Variants in CACNA2D4 observed in about 807,000 individuals in gnomAD.
The protein encoded by CACNA2D4 is calcium voltage-gated channel auxiliary subunit alpha2delta 4.
A neutral mutation model predicts 163.8 loss-of-function variants in CACNA2D4; 157 were observed. That is an observed-to-expected ratio of 0.96 (90% confidence interval 0.84 to 1.09). The LOEUF (loss-of-function observed/expected upper bound fraction) is 1.09, where lower values mean the gene tolerates loss of function less well. Ranked by LOEUF, CACNA2D4 falls within the 50% of genes least tolerant of loss-of-function variation. The pLI is 0.00. For synonymous variants in CACNA2D4, 598 were observed against 586.9 expected (o/e 1.02, Z -0.27); for missense variants, 1,410 against 1,479.9 (o/e 0.95, Z 0.78).
At chr12:1,871,395 GC>G (rs1865776101) in intron 18 of CACNA2D4, among the ~76,000 whole-genome samples, 1 of 143,506 alleles carries the variant, frequency 7.0e-6, no homozygotes, top group African/African-American at 2.6e-5. Flanking sequence ...GTGTACACGT[GC>G]TGCTGGTGTG....
At chr12:1,837,525 C>A (rs1414903403) in intron 26 of CACNA2D4, among the ~76,000 whole-genome samples, 4 of 152,084 alleles carry the variant, frequency 2.6e-5, no homozygotes, top group Non-Finnish European at 4.4e-5. Context: ...CAACGCCCGG[C>A]CCGAGAACCC....
chr12:1,838,593 T>A (rs1436192681), intron 26 of CACNA2D4, among the ~76,000 whole-genome samples: 1 of 151,966 alleles, frequency 6.6e-6, no homozygotes, highest in Non-Finnish European at 1.5e-5. Context: ...CACCCCAGAG[T>A]GTAAGAGCGA....
At chr12:1,827,785 C>T (rs371193010) in intron 26 of CACNA2D4, 105 of 251,656 alleles carry the variant, frequency 4.2e-4, no homozygotes, top group South Asian at 6.8e-4. Context: ...TCAACATACT[C>T]GGGAGGCAAC....
rs1863193908 is a variant in CACNA2D4, at chr12:1,798,193, C to T, written c.2996-658G>A. Among the ~76,000 whole-genome samples the T allele has an allele frequency of 6.6e-6, 1 of 152,164 alleles. No individual in the cohort carries two copies. The highest frequency in any genetic ancestry group is 2.1e-4 in the South Asian group (1 of 4,836). ...ACTCAACCAAAGGTGGAGGCGAGTG[C>T]CTCAGCCCCGCTCTGCAGGACCCGA... On this transcript the variant is annotated intron_variant, in intron 34 of 37. Transcript: ENST00000382722. The surrounding 1 kb of genome is among the most constrained non-coding windows in gnomAD (Gnocchi z 4.3).
intron 26 of CACNA2D4, among the ~76,000 whole-genome samples, chr12:1,837,542 C>G (rs1393983911): frequency 6.6e-6 from 1 of 152,106 alleles, no homozygotes; most frequent in African/African-American, 2.4e-5. Flanking sequence ...ACCCCCTCCT[C>G]AGCTATATGG....
rs145662837 is a variant in CACNA2D4 at position 1,831,277 on chromosome 12, G to A, written c.2551+9462C>T. The A allele has an allele frequency of 2.1e-4, 340 of 1,613,718 alleles. 2 individuals are homozygous for A. Among genetic ancestry groups the A allele is most frequent in the South Asian group, 1.7e-3 (153 of 91,084 alleles). ...AGGACCCTGGACAGGGACCTGCTGC[G>A]GCACTCGCCGCTGCTCCGCCACCTG... On this transcript the variant is annotated intron_variant, in intron 26 of 37. Transcript: ENST00000382722.
chr12:1,799,620 C>T lies in CACNA2D4; in HGVS notation c.2995+55G>A. On this transcript the variant is annotated intron_variant, in intron 34 of 37. Coordinates refer to ENST00000382722, the MANE Select transcript of CACNA2D4 (RefSeq NM_172364.5). The surrounding 1 kb of genome is among the most constrained non-coding windows in gnomAD (Gnocchi z 4.7). Reference sequence around the variant, plus strand: ...CATGGAGGGTGGGTTCTTTGTAGCTCCTGCTGCGTCCCCAACCCACCGCCA... The same window carrying T: ...CATGGAGGGTGGGTTCTTTGTAGCTTCTGCTGCGTCCCCAACCCACCGCCA... 2.6e-6 allele frequency: 4 copies of T among 1,547,566 alleles called. No individual in the cohort carries two copies. The highest frequency in any genetic ancestry group is 3.5e-6 in the Non-Finnish European group (4 of 1,142,944).
chr12:1,823,235 T>G (rs1026527852), intron 26 of CACNA2D4: 2 of 152,388 alleles, frequency 1.3e-5, no homozygotes, highest in African/African-American at 2.4e-5. Context: ...GGGATAGACA[T>G]GCGCAGAAGC....
chr12:1,832,926 T>C (rs913417097), intron 26 of CACNA2D4, among the ~76,000 whole-genome samples: 6 of 152,260 alleles, frequency 3.9e-5, no homozygotes, highest in African/African-American at 9.6e-5. Flanking sequence ...GCTGCATCCC[T>C]GTCAGCACCC....
rs777119834 is a variant in CACNA2D4 at position 1,829,099 on chromosome 12, C to T, written c.2551+11640G>A. Among the ~76,000 whole-genome samples the T allele has an allele frequency of 6.6e-6, 1 of 152,244 alleles. No individual in the cohort carries two copies. The highest frequency in any genetic ancestry group is 1.5e-5 in the Non-Finnish European group (1 of 68,050). ...TCAGCCTCATTCTAGAATCACTCAACACCTCGCAATACGGGCTTATGTTTT... is the reference window on the plus strand; with the variant it reads ...TCAGCCTCATTCTAGAATCACTCAATACCTCGCAATACGGGCTTATGTTTT... On this transcript the variant is annotated intron_variant, in intron 26 of 37. Coordinates refer to ENST00000382722, the MANE Select transcript of CACNA2D4 (RefSeq NM_172364.5). This position sits in a 1 kb window ranked among gnomAD's most constrained non-coding sequence, Gnocchi z 4.2.
chr12:1,858,693 C>A, intron 19 of CACNA2D4, 49 bp from the exon 20 acceptor site: 4 of 1,488,314 alleles, frequency 2.7e-6, no homozygotes, highest in Non-Finnish European at 1.8e-6. Flanking sequence ...CAGATGCCGG[C>A]CTGTCTCCCG....
rs1162413265 is a variant in CACNA2D4 at position 1,797,431 on chromosome 12, C to A, written c.3100G>T (p.Gly1034Trp). ...IREANGIVEC[G>W]PCQKVFVVQQ... ...CTGCGGTCTTACTTCTGGCAGGGCCCGCACTCCACGATCCCGTTGGCCTCC... is the reference window on the plus strand; with the variant it reads ...CTGCGGTCTTACTTCTGGCAGGGCCAGCACTCCACGATCCCGTTGGCCTCC... The change falls in exon 35 of 38, where the codon GGG (glycine) becomes TGG (tryptophan). Residue 1034 changes from glycine (G) to tryptophan (W), a missense_variant. By Grantham distance (184) the Gly-to-Trp change is radical. Transcript: ENST00000382722. 5.8e-6 allele frequency: 9 copies of A among 1,551,130 alleles called. No homozygotes were observed. The highest frequency in any genetic ancestry group is 6.1e-6 in the Non-Finnish European group (7 of 1,152,912).
chr12:1,911,323 T>A (rs1212155820), intron 3 of CACNA2D4, among the ~76,000 whole-genome samples: 2 of 152,036 alleles, frequency 1.3e-5, no homozygotes, highest in Non-Finnish European at 2.9e-5. Flanking sequence ...CACAATTTTT[T>A]TTTCTTTTTT....
intron 6 of CACNA2D4, among the ~76,000 whole-genome samples, chr12:1,898,980 AAG>A (rs1446748631): frequency 1.3e-5 from 2 of 152,148 alleles, no homozygotes; most frequent in South Asian, 2.1e-4. Context: ...GCAAGATAAA[AAG>A]AGTTTTGGAG....
At chr12:1,805,200 G>A (rs1863493514) in intron 29 of CACNA2D4, among the ~76,000 whole-genome samples, 3 of 152,240 alleles carry the variant, frequency 2.0e-5, no homozygotes, top group African/African-American at 4.8e-5. Context: ...CCTGGCCTTC[G>A]AGTCTGGAGG....
At chr12:1,862,212 T>C (rs1210919760) in intron 18 of CACNA2D4, among the ~76,000 whole-genome samples, 2 of 152,236 alleles carry the variant, frequency 1.3e-5, no homozygotes, top group Non-Finnish European at 2.9e-5. Flanking sequence ...GACATGTGTT[T>C]GCATTTCTCT....
In CACNA2D4 at chr12:1,833,109, C is replaced by A. The variant is rs1864703295; in HGVS notation, c.2551+7630G>T. On this transcript the variant is annotated intron_variant, in intron 26 of 37. Transcript: ENST00000382722. This position sits in a 1 kb window ranked among gnomAD's most constrained non-coding sequence, Gnocchi z 4.2. ...CAAAAATGCATGCCATGAGAATGTG[C>A]AGTTTTCAGACTTTTTCAATAGCGG... Among the ~76,000 whole-genome samples, 1 of 152,222 alleles carries A rather than the reference C, an allele frequency of 6.6e-6. No individual in the cohort carries two copies. Among genetic ancestry groups the A allele is most frequent in the African/African-American group, 2.4e-5 (1 of 41,456 alleles).
intron 24 of CACNA2D4, among the ~76,000 whole-genome samples, chr12:1,845,609 T>A (rs564196667): frequency 6.6e-6 from 1 of 152,224 alleles, no homozygotes; most frequent in South Asian, 2.1e-4. Flanking sequence ...TGGGCTGCTC[T>A]CCAGGTGCCT....
chr12:1,848,781 A>ATTATTATTT (rs1006817254), intron 23 of CACNA2D4, among the ~76,000 whole-genome samples: 4 of 150,606 alleles, frequency 2.7e-5, no homozygotes, highest in East Asian at 1.9e-4. Flanking sequence ...TATTATTATT[A>ATTATTATTT]TTTTTATTTA....
Sources: allele counts gnomAD v4.1 joint callset (sites outside exome capture counted in the v4.1 genomes callset), GRCh38; gene constraint gnomAD v4.1.1; non-coding constraint Gnocchi (gnomAD v3.1); transcripts MANE v1.5; gene names NCBI Gene and HGNC (gene_info 2026-07-23, HGNC 2026-07-21).